The following ATG2B variants were observed in gnomAD, a reference collection of about 807,000 sequenced individuals.
ATG2B encodes the protein autophagy-related protein 2 homolog B.
In ATG2B, 121 loss-of-function variants were observed where a neutral mutation model predicts 241.3. The observed-to-expected ratio is 0.50, with a 90% CI of 0.43 to 0.58. ATG2B has a LOEUF of 0.58. Among genes scored for constraint, ATG2B ranks in the 20% least tolerant of loss-of-function variants. The probability of loss-of-function intolerance (pLI) is 0.00; values close to 1 mark genes in which losing one functional copy is unlikely to be tolerated. For missense variants in ATG2B, 2,306 were observed against 2,491.6 expected (o/e 0.93, Z 1.59); for synonymous variants, 858 against 876.6 (o/e 0.98, Z 0.37).
At chr14:96,340,583 T>C (rs987546118) in intron 6 of ATG2B, among the ~76,000 whole-genome samples, 2 of 152,072 alleles carry the variant, frequency 1.3e-5, no homozygotes, top group African/African-American at 2.4e-5. Context: ...GGAAAAAGAA[T>C]ATAAATATAC....
In ATG2B at chr14:96,331,584, T is replaced by G; in HGVS notation, c.1522A>C (p.Arg508=). 1.2e-6 allele frequency: 2 copies of G among 1,613,972 alleles called. No homozygotes were observed. Among genetic ancestry groups the G allele is most frequent in the Non-Finnish European group, 1.7e-6 (2 of 1,179,892 alleles). The change falls in exon 11 of 42, where the codon AGA becomes CGA. Residue 508 remains arginine, a synonymous_variant. Coordinates refer to ENST00000359933, the MANE Select transcript of ATG2B (RefSeq NM_018036.7). ...ATTGAAAAAGTTCCCACAGCTAGTC[T>G]AAAAATAAGTTCAGGCCTTGATTCA... ...VDESRPELIF[R]LAVGTFSISV...
In ATG2B at chr14:96,285,850, C is replaced by A; in HGVS notation, c.6142G>T (p.Glu2048Ter). 1 of 1,614,172 alleles carries A rather than the reference C, an allele frequency of 6.2e-7. No individual in the cohort carries two copies. The highest frequency in any genetic ancestry group is 8.5e-7 in the Non-Finnish European group (1 of 1,180,040). ...CCACCCAGCACGTTTGACGTTGCTT[C>A]TGTGGCAACAATCAGAGGTTTCACC... is the stretch of plus-strand genomic sequence containing the variant. ...AVVKPLIVAT[E>*]ATSNVLGGMR... is the part of the protein sequence containing the mutation. Residue 2048 changes from glutamate (E) to a stop codon, truncating the protein, a stop_gained, in exon 42 of 42, where the codon GAA becomes TAA. Coordinates refer to ENST00000359933, the MANE Select transcript of ATG2B (RefSeq NM_018036.7). LOFTEE classifies it high-confidence loss of function. This position sits in a 1 kb window ranked among gnomAD's most constrained non-coding sequence, Gnocchi z 4.2.
Position 96,298,103 on chromosome 14 carries a change from C to A in ATG2B, c.5140-2543G>T, listed in dbSNP as rs533095087. 2.3e-4 allele frequency among the ~76,000 whole-genome samples: 35 copies of A among 152,192 alleles called. 1 individual carries two copies. In the South Asian group the frequency reaches 2.7e-3, roughly 12 times the overall value. Reference sequence around the variant, plus strand: ...AGTAACCCGCACCCGACCCAAACAACCCAATTTTAAAACTAGCAAGACACA... The same window carrying A: ...AGTAACCCGCACCCGACCCAAACAAACCAATTTTAAAACTAGCAAGACACA... On this transcript the variant is annotated intron_variant, in intron 34 of 41. Coordinates refer to ENST00000359933, the MANE Select transcript of ATG2B (RefSeq NM_018036.7).
intron 23 of ATG2B, among the ~76,000 whole-genome samples, chr14:96,313,966 A>G (rs1322567204): frequency 6.6e-6 from 1 of 152,212 alleles, no homozygotes; most frequent in East Asian, 1.9e-4. Flanking sequence ...GGTTTTTCAT[A>G]TAAGTCATTG....
At chr14:96,357,684 GTTTTT>G (rs140990320) in intron 1 of ATG2B, among the ~76,000 whole-genome samples, 2 of 145,636 alleles carry the variant, frequency 1.4e-5, no homozygotes, top group Non-Finnish European at 1.5e-5. Context: ...TTTTTTCATA[GTTTTT>G]TTTTTTTAAG....
At position 96,320,183 on chromosome 14, in the gene ATG2B, C is replaced by T. The variant is rs1035772430; in HGVS notation, c.2879+1929G>A. ...ACGGAAGCCCCCAATATGCTAACTG[C>T]CTGCTGTTGGTGGACATCTCTCTAG... On this transcript the variant is annotated intron_variant, in intron 18 of 41. Coordinates refer to ENST00000359933, the MANE Select transcript of ATG2B (RefSeq NM_018036.7). 2.0e-5 allele frequency among the ~76,000 whole-genome samples: 3 copies of T among 152,248 alleles called. No homozygotes were observed. In the East Asian group the frequency reaches 5.8e-4, roughly 29 times the overall value.
intron 1 of ATG2B, among the ~76,000 whole-genome samples, chr14:96,360,371 C>CT (rs1888590573): frequency 6.6e-6 from 1 of 152,190 alleles, no homozygotes; most frequent in South Asian, 2.1e-4. Flanking sequence ...ACTACTTGTA[C>CT]TATGAGGAGA....
At chr14:96,328,588 A>G in intron 13 of ATG2B, 53 bp from the exon 14 acceptor site, 1 of 1,558,524 alleles carries the variant, frequency 6.4e-7, no homozygotes. Flanking sequence ...AAACTACTAT[A>G]TAATTGGGTT....
chr14:96,362,925 G>A lies in ATG2B; in HGVS notation c.52C>T (p.Leu18=). ...AGAAAGTGGCCCAGGTACCTCTGCA[G>A]GAGGTACCGGCAGGCCCTCTTCTTG... ...SIKKRACRYL[L]QRYLGHFLQE... Residue 18 remains leucine, a synonymous_variant, in exon 1 of 42, where the codon CTG becomes TTG. Coordinates refer to ENST00000359933, the MANE Select transcript of ATG2B (RefSeq NM_018036.7). The A allele has an allele frequency of 2.5e-6, 4 of 1,613,502 alleles. No individual in the cohort carries two copies. Among genetic ancestry groups the A allele is most frequent in the Non-Finnish European group, 3.4e-6 (4 of 1,179,772 alleles).
chr14:96,305,133 T>TTC lies in ATG2B; in HGVS notation c.4733+454_4733+455dup, dbSNP rs200835616. Among the ~76,000 whole-genome samples the TTC allele has an allele frequency of 4.2e-3, 638 of 152,270 alleles. 25 individuals carry two copies. In the South Asian group the frequency reaches 0.066, roughly 16 times the overall value. On this transcript the variant is annotated intron_variant, in intron 31 of 41. Transcript: ENST00000359933. ...CCCTACAGGGATTCTGTCCACCTGA[T>TTC]TCTCCCAGCGACCGGCACACTGCAC...
intron 36 of ATG2B, chr14:96,293,215 C>T (rs931464347): frequency 1.3e-5 from 2 of 152,114 alleles, no homozygotes; most frequent in African/African-American, 4.8e-5. Context: ...TCCACTGCGC[C>T]TACAACAAAA....
intron 21 of ATG2B, among the ~76,000 whole-genome samples, chr14:96,315,952 G>A (rs1027013896): frequency 2.0e-4 from 31 of 152,166 alleles, no homozygotes; most frequent in Non-Finnish European, 1.0e-4. Flanking sequence ...TAGTCCCATC[G>A]ACTGATGAAT....
At chr14:96,295,292 G>A in intron 35 of ATG2B, 125 bp from the exon 36 acceptor site, 18 of 1,034,830 alleles carry the variant, frequency 1.7e-5, no homozygotes, top group Non-Finnish European at 2.2e-5. Context: ...TTGTTACAGA[G>A]AAAATTTGCT....
In ATG2B at chr14:96,363,051, C is replaced by T; in HGVS notation, c.-75G>A. ...CGGCCTCGGGGTAGCGACTCCGGCT[C>T]CAGGCCGCGGCGGGGCCTAAGCCTG... is the stretch of plus-strand genomic sequence containing the variant. On this transcript the variant is annotated 5_prime_UTR_variant, in exon 1 of 42. Transcript: ENST00000359933. 1 of 1,570,458 alleles carries T rather than the reference C, an allele frequency of 6.4e-7. No individual in the cohort carries two copies. The highest frequency in any genetic ancestry group is 8.7e-7 in the Non-Finnish European group (1 of 1,146,776).
At chr14:96,334,954 A>G (rs567602237) in intron 6 of ATG2B, among the ~76,000 whole-genome samples, 154 of 152,340 alleles carry the variant, frequency 1.0e-3, no homozygotes, top group African/African-American at 3.4e-3. Flanking sequence ...AGAGCATGTA[A>G]GGACCTTCTC....
rs1322833063 is a variant in ATG2B at position 96,363,081 on chromosome 14, G to T, written c.-105C>A. 7.3e-7 allele frequency: 1 copy of T among 1,361,076 alleles called. No individual in the cohort carries two copies. Among genetic ancestry groups the T allele is most frequent in the African/African-American group, 1.4e-5 (1 of 69,060 alleles). The allele number at this position is 1,361,076 out of a possible 1,614,324, so 84.3% of individuals were successfully genotyped here. A position where few individuals can be genotyped will look rare whatever the true frequency, so the allele number is the denominator to read the frequency against. On this transcript the variant is annotated 5_prime_UTR_variant, in exon 1 of 42. Transcript: ENST00000359933. Reference sequence around the variant, plus strand: ...CCGCGGCGGGGCCTAAGCCTGGGGCGGCCCCTCCATCCCTATTTGGTGCCG... The same window carrying T: ...CCGCGGCGGGGCCTAAGCCTGGGGCTGCCCCTCCATCCCTATTTGGTGCCG...
At position 96,296,345 on chromosome 14, in the gene ATG2B, C is replaced by T. The variant is rs183568627; in HGVS notation, c.5140-785G>A. Among the ~76,000 whole-genome samples the T allele has an allele frequency of 2.8e-4, 42 of 152,210 alleles. No individual in the cohort carries two copies. The East Asian group carries it at 4.6e-3, about 17-fold the overall frequency. On this transcript the variant is annotated intron_variant, in intron 34 of 41. Coordinates refer to ENST00000359933, the MANE Select transcript of ATG2B (RefSeq NM_018036.7). ...TGCATGGCTCTGTCTTCACTTTGTA[C>T]GTACATGCCATATTTGCCCATTATA...
intron 36 of ATG2B, among the ~76,000 whole-genome samples, chr14:96,294,257 G>A (rs1886568333): frequency 6.6e-6 from 1 of 152,224 alleles, no homozygotes; most frequent in Admixed American, 6.5e-5. Flanking sequence ...CAGAAAATCA[G>A]GGAAGATGTA....
chr14:96,290,055 C>A lies in ATG2B; in HGVS notation c.5857-250G>T. ...TAGCCCCTCCTCTGTTCACTGAGAA[C>A]ACTCAACATTTCCACATCAGTCTAT... On this transcript the variant is annotated intron_variant, in intron 40 of 41. Coordinates refer to ENST00000359933, the MANE Select transcript of ATG2B (RefSeq NM_018036.7). This position sits in a 1 kb window ranked among gnomAD's most constrained non-coding sequence, Gnocchi z 4.4. 8.9e-7 allele frequency: 1 copy of A among 1,121,814 alleles called. No homozygotes were observed. The highest frequency in any genetic ancestry group is 2.0e-5 in the South Asian group (1 of 50,688). 69.5% of individuals were successfully genotyped at this position (1,121,814 alleles called of 1,614,324 possible).
Sources: gnomAD v4.1 joint callset for allele counts (sites outside exome capture counted in the v4.1 genomes callset) on GRCh38, gnomAD v4.1.1 for gene constraint, Gnocchi (gnomAD v3.1) non-coding constraint, MANE v1.5 for transcripts, NCBI Gene and HGNC (gene_info 2026-07-23, HGNC 2026-07-21) for gene names.